The following TJP1 variants were observed in gnomAD, a reference collection of about 807,000 sequenced individuals.
The protein encoded by TJP1 is tight junction protein 1.
Under a neutral mutation model 194.2 loss-of-function variants are expected in TJP1, and 43 were observed. That is an observed-to-expected ratio of 0.22 (90% confidence interval 0.17 to 0.29). TJP1 has a LOEUF of 0.29. Ranked by LOEUF, TJP1 falls within the 10% of genes least tolerant of loss-of-function variation. The pLI is 1.00. For missense variants in TJP1, 1,971 were observed against 2,185.7 expected (o/e 0.90, Z 1.96); for synonymous variants, 801 against 779.0 (o/e 1.03, Z -0.47).
intron 2 of TJP1, among the ~76,000 whole-genome samples, chr15:29,949,528 C>T (rs1269638173): frequency 2.0e-5 from 3 of 146,716 alleles, no homozygotes; most frequent in Admixed American, 6.9e-5. Flanking sequence ...CCACCACCAC[C>T]ACCTCCACCA....
intron 2 of TJP1, among the ~76,000 whole-genome samples, chr15:29,887,926 C>T (rs1393678618): frequency 6.6e-6 from 1 of 152,090 alleles, no homozygotes; most frequent in African/African-American, 2.4e-5. Flanking sequence ...ATATTTGTAT[C>T]TGTGACCCAG....
chr15:29,708,320 G>A (rs967132327), intron 25 of TJP1, among the ~76,000 whole-genome samples: 1 of 151,928 alleles, frequency 6.6e-6, no homozygotes, highest in Non-Finnish European at 1.5e-5. Context: ...TCAGTTCTTA[G>A]TAAAACAGGG....
Position 29,701,492 on chromosome 15 carries a change from C to T in TJP1, c.*103G>A. 2 of 898,178 alleles carry T rather than the reference C, an allele frequency of 2.2e-6. No individual in the cohort carries two copies. Among genetic ancestry groups the T allele is most frequent in the Admixed American group, 2.3e-5 (1 of 43,432 alleles). 55.6% of individuals were successfully genotyped at this position (898,178 alleles called of 1,614,324 possible). On this transcript the variant is annotated 3_prime_UTR_variant, in exon 28 of 28. Transcript: ENST00000614355. ...CAAACAAATGCCTCATACTAACAAA[C>T]TGTAGTATCAACTCTAAAAAAGGTA...
intron 27 of TJP1, 108 bp downstream of exon 27, chr15:29,704,053 GA>G: frequency 8.2e-7 from 1 of 1,213,406 alleles, no homozygotes; most frequent in Non-Finnish European, 1.1e-6. Flanking sequence ...AAGGCCACAG[GA>G]ACAGAGATAG....
chr15:29,833,504 A>T (rs931020973), intron 2 of TJP1, among the ~76,000 whole-genome samples: 2 of 151,286 alleles, frequency 1.3e-5, no homozygotes, highest in Admixed American at 6.6e-5. Context: ...AGCAATTCTC[A>T]TGTCTCAGCC....
chr15:29,708,039 C>T (rs2042005709), intron 25 of TJP1, among the ~76,000 whole-genome samples: 1 of 151,884 alleles, frequency 6.6e-6, no homozygotes, highest in African/African-American at 2.4e-5. Flanking sequence ...ACTAAAAATA[C>T]AAAAAATTTA....
chr15:29,941,738 G>GT (rs755808170), intron 2 of TJP1, among the ~76,000 whole-genome samples: 8 of 152,106 alleles, frequency 5.3e-5, no homozygotes, highest in Non-Finnish European at 8.8e-5. Context: ...CATTGTACAC[G>GT]TATCACGTGT....
chr15:29,708,461 A>T (rs2042041038), intron 25 of TJP1, 98 bp downstream of exon 25: 2 of 1,001,864 alleles, frequency 2.0e-6, no homozygotes, highest in Non-Finnish European at 3.0e-6. Flanking sequence ...AGGTTGAGTT[A>T]AAAAGATCAC....
At chr15:29,781,840 T>A (rs2047385208) in intron 2 of TJP1, among the ~76,000 whole-genome samples, 1 of 152,194 alleles carries the variant, frequency 6.6e-6, no homozygotes, top group Non-Finnish European at 1.5e-5. Flanking sequence ...AAGAGCTGTA[T>A]ATGACAAACC....
At chr15:29,705,423 G>A in intron 26 of TJP1, 105 bp downstream of exon 26, 1 of 1,183,784 alleles carries the variant, frequency 8.4e-7, no homozygotes, top group Non-Finnish European at 1.2e-6. Flanking sequence ...CACTCATCTG[G>A]AGATAGAGAG....
At chr15:29,714,681 T>G (rs1387569848) in intron 23 of TJP1, among the ~76,000 whole-genome samples, 1 of 149,862 alleles carries the variant, frequency 6.7e-6, no homozygotes, top group East Asian at 2.0e-4. Context: ...GCTGGGACTA[T>G]AGGAGCCCGC....
At chr15:29,815,966 C>T (rs1373637776) in intron 1 of TJP1, among the ~76,000 whole-genome samples, 1 of 151,830 alleles carries the variant, frequency 6.6e-6, no homozygotes, top group Admixed American at 6.6e-5. Context: ...TGCGTTACAG[C>T]CCTCGAAGCC....
At chr15:29,788,201 G>A (rs557710226) in intron 2 of TJP1, among the ~76,000 whole-genome samples, 1 of 152,110 alleles carries the variant, frequency 6.6e-6, no homozygotes, top group East Asian at 1.9e-4. Flanking sequence ...ATATATTCTA[G>A]AAACAAATCC....
chr15:29,821,316 G>T (rs2050326160), intron 1 of TJP1: 1 of 152,122 alleles, frequency 6.6e-6, no homozygotes, highest in Non-Finnish European at 1.5e-5. Flanking sequence ...ATTTTTAAGT[G>T]CTCATCTTAT....
intron 11 of TJP1, among the ~76,000 whole-genome samples, chr15:29,736,551 T>C (rs2044047126): frequency 6.6e-6 from 1 of 152,194 alleles, no homozygotes; most frequent in Non-Finnish European, 1.5e-5. Flanking sequence ...TAGTTTAATC[T>C]AGCAAATCAA....
chr15:29,821,896 G>A (rs1225015968), intron 1 of TJP1, 106 bp downstream of exon 1: 6 of 1,053,478 alleles, frequency 5.7e-6, no homozygotes, highest in Non-Finnish European at 6.9e-6. Context: ...GCCGCCCCGG[G>A]GCCCAGACAG....
intron 2 of TJP1, among the ~76,000 whole-genome samples, chr15:29,831,121 AGT>A (rs2050825212): frequency 6.6e-6 from 1 of 152,244 alleles, no homozygotes; most frequent in African/African-American, 2.4e-5. Flanking sequence ...TTGGGAACCA[AGT>A]CCGTACTCTG....
upstream of TJP1, chr15:29,822,569 G>A (rs1016514907): frequency 1.3e-6 from 1 of 786,734 alleles, no homozygotes; most frequent in Non-Finnish European, 1.5e-6. Context: ...GGGCCGCGGC[G>A]GGGGAGGGGG....
At chr15:29,838,639 G>A (rs1025011567) in intron 2 of TJP1, among the ~76,000 whole-genome samples, 2 of 151,946 alleles carry the variant, frequency 1.3e-5, no homozygotes, top group Admixed American at 6.6e-5. Context: ...TGTGTGTAGT[G>A]TGCACAGCTC....
Sources: gnomAD v4.1 joint callset for allele counts (sites outside exome capture counted in the v4.1 genomes callset) on GRCh38, gnomAD v4.1.1 for gene constraint, MANE v1.5 for transcripts, NCBI Gene and HGNC (gene_info 2026-07-23, HGNC 2026-07-21) for gene names.